Variants in KHDRBS1 observed in about 807,000 individuals in gnomAD.
KHDRBS1 encodes KH RNA binding domain containing, signal transduction associated 1, also known as KH domain-containing, RNA-binding, signal transduction-associated protein 1.
Under a neutral mutation model 48.4 loss-of-function variants are expected in KHDRBS1, and 7 were observed. The observed-to-expected ratio is 0.14, with a 90% CI of 0.08 to 0.27. The LOEUF (loss-of-function observed/expected upper bound fraction) is 0.27, where lower values mean the gene tolerates loss of function less well. KHDRBS1 is among the 10% of genes least tolerant of loss of function. The pLI is 1.00. For synonymous variants in KHDRBS1, 241 were observed against 235.8 expected (o/e 1.02, Z -0.20); for missense variants, 458 against 601.2 (o/e 0.76, Z 2.49).
intron 10 of KHDRBS1, among the ~76,000 whole-genome samples, chr1:32,054,933 A>T (rs1639462526): frequency 1.3e-5 from 2 of 152,312 alleles, no homozygotes; most frequent in South Asian, 4.1e-4. Flanking sequence ...AGCAATGATT[A>T]TCCATGGTAT....
rs936680295 is a variant in KHDRBS1, at chr1:32,014,261, C to G, written c.266C>G (p.Pro89Arg). 6.5e-7 allele frequency: 1 copy of G among 1,542,468 alleles called. No homozygotes were observed. The highest frequency in any genetic ancestry group is 2.5e-5 in the East Asian group (1 of 39,316). The change falls in exon 1 of 9, where the codon CCC (proline) becomes CGC (arginine). Residue 89 changes from proline (P) to arginine (R), a missense_variant. Pro to Arg is a moderately radical substitution (Grantham distance 103). Around this residue, in one of 3 missense-constraint regions of KHDRBS1, gnomAD observed 213 missense variants for 215.6 expected, o/e 0.99. Coordinates refer to ENST00000327300, the MANE Select transcript of KHDRBS1 (RefSeq NM_006559.3). ...CCAGCGCCGACCCCGCTGCTGCCCC[C>G]CTCGGCCACAGCCTCGGTCAAGATG... ...GGPAPTPLLP[P>R]SATASVKMEP... is the part of the protein sequence containing the mutation.
downstream of KHDRBS1, among the ~76,000 whole-genome samples, chr1:32,044,540 C>T (rs1278288024): frequency 6.6e-6 from 1 of 152,260 alleles, no homozygotes; most frequent in Non-Finnish European, 1.5e-5. Context: ...CTAAACTGCT[C>T]GGGGGTGAAA....
Position 32,033,220 on chromosome 1 carries a change from A to G in KHDRBS1, c.657A>G (p.Lys219=). 1 of 1,614,052 alleles carries G rather than the reference A, an allele frequency of 6.2e-7. No individual in the cohort carries two copies. Among genetic ancestry groups the G allele is most frequent in the South Asian group, 1.1e-5 (1 of 91,076 alleles). The part of the protein sequence containing the change: ...EEELRKGGDP[K]YAHLNMDLHV... ...AGCTGCGCAAAGGTGGAGACCCCAAATATGCCCACTTGAATATGGATCTGC... is the reference window on the plus strand; with the variant it reads ...AGCTGCGCAAAGGTGGAGACCCCAAGTATGCCCACTTGAATATGGATCTGC... The change falls in exon 4 of 9, where the codon AAA becomes AAG. Residue 219 remains lysine (K), a synonymous_variant. Transcript: ENST00000327300.
At chr1:32,045,394 TGTTAA>T (rs1639345331), downstream of KHDRBS1, 1 of 152,614 alleles carries the variant, frequency 6.6e-6, no homozygotes, top group South Asian at 2.1e-4. Flanking sequence ...ATGTCAGGTA[TGTTAA>T]GGTGGCTTTC....
At chr1:32,048,276 G>C (rs1311841642), downstream of KHDRBS1, among the ~76,000 whole-genome samples, 1 of 152,212 alleles carries the variant, frequency 6.6e-6, no homozygotes, top group Non-Finnish European at 1.5e-5. Context: ...GGGAGGCTGA[G>C]TTGGGAGGAT....
chr1:32,044,630 C>CA (rs575064367), downstream of KHDRBS1, among the ~76,000 whole-genome samples: 866 of 151,878 alleles, frequency 5.7e-3, 10 homozygotes, highest in African/African-American at 0.02. Flanking sequence ...AACACACCAA[C>CA]AAAAAAATGT....
At chr1:32,025,292 C>CTCTTT (rs1638943327) in intron 1 of KHDRBS1, among the ~76,000 whole-genome samples, 1 of 92,094 alleles carries the variant, frequency 1.1e-5, no homozygotes, top group African/African-American at 5.4e-5. Flanking sequence ...TCGGCTCCTC[C>CTCTTT]TTTTTTTTTT....
chr1:32,029,203 C>T (rs1207881063), intron 1 of KHDRBS1, among the ~76,000 whole-genome samples: 2 of 152,044 alleles, frequency 1.3e-5, no homozygotes, highest in Non-Finnish European at 2.9e-5. Context: ...TGTCTTAACC[C>T]GCGAATTGAA....
At chr1:32,059,078 A>AC (rs1049120228) in intron 10 of KHDRBS1, among the ~76,000 whole-genome samples, 2 of 148,186 alleles carry the variant, frequency 1.3e-5, no homozygotes, top group African/African-American at 5.0e-5. Flanking sequence ...AATCACTGGA[A>AC]CCCAGAAGGC....
exon 11 of KHDRBS1, chr1:32,060,550 TC>T (rs1418435046): frequency 6.6e-6 from 1 of 152,124 alleles, no homozygotes; most frequent in East Asian, 1.9e-4. Flanking sequence ...GTTTTCTGTT[TC>T]CCCACTACCA....
chr1:32,020,004 A>G (rs1638825920), intron 1 of KHDRBS1, among the ~76,000 whole-genome samples: 6 of 151,942 alleles, frequency 3.9e-5, no homozygotes, highest in Admixed American at 3.3e-4. Flanking sequence ...ATTCCTGACC[A>G]TGATCCTCCC....
At chr1:32,018,869 G>A (rs1367568553) in intron 1 of KHDRBS1, among the ~76,000 whole-genome samples, 2 of 152,138 alleles carry the variant, frequency 1.3e-5, no homozygotes, top group African/African-American at 2.4e-5. Context: ...TCAGAAGTTC[G>A]AGACCAGTCT....
chr1:32,013,991 C>A lies in KHDRBS1; in HGVS notation c.-5C>A. On this transcript the variant is annotated 5_prime_UTR_variant, in exon 1 of 9. Transcript: ENST00000327300. ...TCTCGCTCCTTGGATCGCACATCCT[C>A]CCAGATGCAGCGCCGGGACGACCCC... The A allele has an allele frequency of 6.6e-7, 1 of 1,508,976 alleles. No homozygotes were observed. Among genetic ancestry groups the A allele is most frequent in the East Asian group, 2.8e-5 (1 of 36,162 alleles). 93.5% of individuals were successfully genotyped at this position (1,508,976 alleles called of 1,614,324 possible). A position where few individuals can be genotyped will look rare whatever the true frequency, so the allele number is the denominator to read the frequency against.
intron 5 of KHDRBS1, 71 bp downstream of exon 5, chr1:32,037,114 T>C (rs1639198947): frequency 1.3e-6 from 2 of 1,519,224 alleles, no homozygotes; most frequent in Non-Finnish European, 1.8e-6. Flanking sequence ...TTAGTGGTGC[T>C]CTTATGTCTA....
At position 32,014,024 on chromosome 1, in the gene KHDRBS1, G is replaced by T. The variant is rs762917162; in HGVS notation, c.29G>T (p.Arg10Leu). ...CAGCGCCGGGACGACCCCGCCGCGC[G>T]CATGAGCCGGTCTTCGGGCCGTAGC... Reference protein sequence around the residue: MQRRDDPAARMSRSSGRSGS... With the variant: MQRRDDPAALMSRSSGRSGS... Residue 10 changes from arginine to leucine, a missense_variant, in exon 1 of 9, where the codon CGC becomes CTC. Around this residue, in one of 3 missense-constraint regions of KHDRBS1, gnomAD observed 213 missense variants for 215.6 expected, o/e 0.99. Transcript: ENST00000327300. The T allele has an allele frequency of 5.2e-6, 8 of 1,526,386 alleles. No individual in the cohort carries two copies. Among genetic ancestry groups the T allele is most frequent in the South Asian group, 4.8e-5 (4 of 83,172 alleles). 94.6% of individuals were successfully genotyped at this position (1,526,386 alleles called of 1,614,324 possible).
intron 10 of KHDRBS1, among the ~76,000 whole-genome samples, chr1:32,049,532 A>T (rs1639393440): frequency 3.3e-5 from 5 of 151,228 alleles, no homozygotes. Flanking sequence ...CTTTTTGGCT[A>T]TTATGAATAA....
rs531076472 is a variant in KHDRBS1, at chr1:32,033,860, G to A, written c.771+526G>A. Among the ~76,000 whole-genome samples, 47 of 152,242 alleles carry A rather than the reference G, an allele frequency of 3.1e-4. No homozygotes were observed. In the South Asian group the frequency reaches 5.8e-3, roughly 19 times the overall value. On this transcript the variant is annotated intron_variant, in intron 4 of 8. Coordinates refer to ENST00000327300, the MANE Select transcript of KHDRBS1 (RefSeq NM_006559.3). Reference sequence around the variant, plus strand: ...CTGAGGACGAGTTTAGTTTGGAAGAGGTTGACTATTGATGTTTAACAGATA... The same window carrying A: ...CTGAGGACGAGTTTAGTTTGGAAGAAGTTGACTATTGATGTTTAACAGATA...
chr1:32,044,097 G>A (rs1246403504), downstream of KHDRBS1, among the ~76,000 whole-genome samples: 23 of 152,208 alleles, frequency 1.5e-4, no homozygotes, highest in Admixed American at 1.5e-3. Context: ...CCTGGAAGTT[G>A]TTGGAAGCTG....
At chr1:32,044,485 C>CT (rs1189184033), downstream of KHDRBS1, among the ~76,000 whole-genome samples, 1 of 152,240 alleles carries the variant, frequency 6.6e-6, no homozygotes, top group African/African-American at 2.4e-5. Context: ...CATTTCAACT[C>CT]TATGCTGATT....
Sources: allele counts gnomAD v4.1 joint callset (sites outside exome capture counted in the v4.1 genomes callset), GRCh38; gene constraint gnomAD v4.1.1; regional missense constraint gnomAD v4.1.1; transcripts MANE v1.5; gene names NCBI Gene and HGNC (gene_info 2026-07-23, HGNC 2026-07-21).